NEK7: variants seen among roughly 807,000 people sequenced by gnomAD.
NEK7 encodes the protein NIMA related kinase 7, also known as serine/threonine-protein kinase Nek7.
In NEK7, 18 loss-of-function variants were observed where a neutral mutation model predicts 44.6. The observed-to-expected ratio is 0.40, with a 90% CI of 0.28 to 0.60. The LOEUF (loss-of-function observed/expected upper bound fraction) is 0.60, where lower values mean the gene tolerates loss of function less well. NEK7 is among the 20% of genes least tolerant of loss of function. The probability of loss-of-function intolerance (pLI) is 0.38; values close to 1 mark genes in which losing one functional copy is unlikely to be tolerated. For missense variants in NEK7, 256 were observed against 366.5 expected, an observed-to-expected ratio of 0.70 and a Z score of 2.46; for synonymous variants, 130 against 121.1, an observed-to-expected ratio of 1.07 and a Z score of -0.48.
intron 3 of NEK7, among the ~76,000 whole-genome samples, chr1:198,254,988 G>C (rs1653204391): frequency 6.6e-6 from 1 of 152,138 alleles, no homozygotes. Context: ...AAAGAAACTA[G>C]TGGTATTATT....
At chr1:198,248,248 A>C (rs191961583) in intron 2 of NEK7, among the ~76,000 whole-genome samples, 1 of 152,348 alleles carries the variant, frequency 6.6e-6, no homozygotes, top group East Asian at 1.9e-4. Context: ...AATGAATGCC[A>C]TCAGGAATGT....
At position 198,322,413 on chromosome 1, in the gene NEK7, C is replaced by T. The variant is rs1373692492; in HGVS notation, c.*2891C>T. Reference sequence around the variant, plus strand: ...AAAAATATAAAAATAAAAATGAATACAGTAAAATGTCTGGGTATCTATGAT... The same window carrying T: ...AAAAATATAAAAATAAAAATGAATATAGTAAAATGTCTGGGTATCTATGAT... On this transcript the variant is annotated 3_prime_UTR_variant, in exon 10 of 10. Transcript: ENST00000367385. 3 of 151,928 alleles carry T rather than the reference C, an allele frequency of 2.0e-5. No individual in the cohort carries two copies. Among genetic ancestry groups the T allele is most frequent in the Admixed American group, 1.3e-4 (2 of 15,260 alleles). 9.4% of individuals were successfully genotyped at this position (151,928 alleles called of 1,614,324 possible). A position where few individuals can be genotyped will look rare whatever the true frequency, so the allele number is the denominator to read the frequency against.
At chr1:198,196,684 G>A (rs1430132360) in intron 1 of NEK7, among the ~76,000 whole-genome samples, 2 of 152,230 alleles carry the variant, frequency 1.3e-5, no homozygotes, top group Non-Finnish European at 2.9e-5. Flanking sequence ...TATCCACATG[G>A]TGGGCTGGGA....
chr1:198,280,286 G>T (rs1654154725), intron 7 of NEK7, among the ~76,000 whole-genome samples: 1 of 152,038 alleles, frequency 6.6e-6, no homozygotes. Context: ...ATCACTAGTA[G>T]ATAGCATGTT....
At chr1:198,209,863 T>C (rs1665712973) in intron 1 of NEK7, among the ~76,000 whole-genome samples, 1 of 152,120 alleles carries the variant, frequency 6.6e-6, no homozygotes, top group African/African-American at 2.4e-5. Context: ...GTCACCCAGG[T>C]TGGAGTGCAG....
intron 9 of NEK7, among the ~76,000 whole-genome samples, chr1:198,300,513 T>C (rs1334027419): frequency 6.6e-6 from 1 of 152,232 alleles, no homozygotes; most frequent in African/African-American, 2.4e-5. Context: ...CATAAAGTTT[T>C]CCTGCACAGT....
chr1:198,263,304 T>A (rs571667642), intron 4 of NEK7, among the ~76,000 whole-genome samples: 1 of 151,940 alleles, frequency 6.6e-6, no homozygotes, highest in Non-Finnish European at 1.5e-5. Flanking sequence ...GAAAGTAAGG[T>A]CAAAACAATG....
intron 1 of NEK7, among the ~76,000 whole-genome samples, chr1:198,187,604 G>T (rs567590876): frequency 6.6e-6 from 1 of 152,178 alleles, no homozygotes; most frequent in African/African-American, 2.4e-5. Flanking sequence ...GGTGTCATTA[G>T]TTTGTGCAGT....
chr1:198,170,491 CAGTTCATTCCT>C (rs1343908355), intron 1 of NEK7, among the ~76,000 whole-genome samples: 3 of 152,154 alleles, frequency 2.0e-5, no homozygotes, highest in Non-Finnish European at 4.4e-5. Context: ...CCTTAGAGCC[CAGTTCATTCCT>C]AGTTCTAGGT....
At chr1:198,259,105 G>C (rs12058113) in intron 3 of NEK7, among the ~76,000 whole-genome samples, 3,630 of 152,186 alleles carry the variant, frequency 0.024, 151 homozygotes, top group African/African-American at 0.082. Context: ...CCCTGTGTTT[G>C]AGGAGTGACT....
intron 3 of NEK7, among the ~76,000 whole-genome samples, chr1:198,253,609 A>G (rs16842603): frequency 0.2 from 30,208 of 152,096 alleles, 3,590 homozygotes; most frequent in African/African-American, 0.32. Flanking sequence ...AGGAAAATGA[A>G]GTGAACTTTA....
intron 1 of NEK7, among the ~76,000 whole-genome samples, chr1:198,198,422 G>A (rs75574262): frequency 2.9e-4 from 44 of 152,236 alleles, no homozygotes; most frequent in East Asian, 9.7e-4. Context: ...AGGTAGAAGC[G>A]CCTGTATTGT....
At position 198,244,627 on chromosome 1, in the gene NEK7, CA is replaced by C. The variant is rs1666777838; in HGVS notation, c.58-8406del. ...TAATGTGATTAGAGTGTATTCACAT[CA>C]AAAAAATGTTTGTTAATAAGAACCC... On this transcript the variant is annotated intron_variant, in intron 2 of 9. Transcript: ENST00000367385. Among the ~76,000 whole-genome samples the C allele has an allele frequency of 2.6e-5, 4 of 151,866 alleles. No individual in the cohort carries two copies. In the South Asian group the frequency reaches 8.3e-4, roughly 32 times the overall value.
intron 1 of NEK7, among the ~76,000 whole-genome samples, chr1:198,229,953 C>T (rs925989515): frequency 1.5e-4 from 23 of 152,126 alleles, no homozygotes; most frequent in African/African-American, 5.3e-4. Flanking sequence ...TAACCTAGTA[C>T]AGAATTTCTC....
chr1:198,298,999 G>A (rs1654796108), intron 9 of NEK7, among the ~76,000 whole-genome samples: 1 of 152,228 alleles, frequency 6.6e-6, no homozygotes, highest in Non-Finnish European at 1.5e-5. Context: ...GTCTGGCCCA[G>A]ATAGAAGGTC....
chr1:198,255,521 G>A (rs1336800961), intron 3 of NEK7, among the ~76,000 whole-genome samples: 2 of 152,210 alleles, frequency 1.3e-5, no homozygotes, highest in East Asian at 1.9e-4. Context: ...ATGGAGGAAG[G>A]GGTGGAGGGA....
At chr1:198,185,318 C>T (rs964524755) in intron 1 of NEK7, among the ~76,000 whole-genome samples, 3 of 148,230 alleles carry the variant, frequency 2.0e-5, no homozygotes, top group Admixed American at 6.9e-5. Flanking sequence ...CAGATATTTG[C>T]GTTTTTAAAG....
intron 1 of NEK7, among the ~76,000 whole-genome samples, chr1:198,229,179 A>G (rs1037844882): frequency 1.3e-5 from 2 of 152,098 alleles, no homozygotes; most frequent in South Asian, 2.1e-4. Flanking sequence ...TGCCTAGCCA[A>G]TGAAATCTCC....
At chr1:198,208,709 A>G (rs546155404) in intron 1 of NEK7, 1 of 152,228 alleles carries the variant, frequency 6.6e-6, no homozygotes, top group African/African-American at 2.4e-5. Flanking sequence ...TTAGTATTTG[A>G]GATAATTTGA....
Sources: allele counts gnomAD v4.1 joint callset (sites outside exome capture counted in the v4.1 genomes callset), GRCh38; gene constraint gnomAD v4.1.1; transcripts MANE v1.5; gene names NCBI Gene and HGNC (gene_info 2026-07-23, HGNC 2026-07-21).